The following CXADR variants were observed in gnomAD, a reference collection of about 807,000 sequenced individuals.
The protein encoded by CXADR is CXADR cell adhesion molecule.
In CXADR, 20 loss-of-function variants were observed where a neutral mutation model predicts 40.3. That is an observed-to-expected ratio of 0.50 (90% CI 0.35 to 0.72). CXADR has a LOEUF of 0.72. Among genes scored for constraint, CXADR ranks in the 30% least tolerant of loss-of-function variants. The pLI, the probability that CXADR is intolerant of heterozygous loss-of-function variation, is 0.01. For synonymous variants in CXADR, 150 were observed against 161.3 expected, an observed-to-expected ratio of 0.93 and a Z score of 0.53; for missense variants, 332 against 449.1, an observed-to-expected ratio of 0.74 and a Z score of 2.36.
chr21:17,602,971 G>A, the CXADR span, among the ~76,000 whole-genome samples: 77 of 152,216 alleles, frequency 5.1e-4, 4 homozygotes, highest in Non-Finnish European at 2.5e-4. Context: ...TAACATAATC[G>A]TGCTGATTTT....
intron 1 of CXADR, among the ~76,000 whole-genome samples, chr21:17,536,959 T>C (rs1375481352): frequency 1.3e-5 from 2 of 152,100 alleles, no homozygotes; most frequent in African/African-American, 2.4e-5. Context: ...GGTTTCACCA[T>C]GTTGGCCAGG....
chr21:17,606,308 C>T, the CXADR span, among the ~76,000 whole-genome samples: 1 of 152,104 alleles, frequency 6.6e-6, no homozygotes, highest in Non-Finnish European at 1.5e-5. Flanking sequence ...ATCCAGGCCA[C>T]TAGACTCCAA....
the CXADR span, among the ~76,000 whole-genome samples, chr21:17,605,560 CCTAA>C: frequency 1.1e-4 from 16 of 152,094 alleles, no homozygotes; most frequent in African/African-American, 3.6e-4. Context: ...GATTAAAATA[CCTAA>C]CTAACATGTT....
chr21:17,530,416 T>C (rs1472177019), intron 1 of CXADR: 1 of 456,520 alleles, frequency 2.2e-6, no homozygotes, highest in Non-Finnish European at 4.4e-6. Context: ...TTTGTTTTAT[T>C]CATTTGCATT....
rs1331821643 is a variant in CXADR at position 17,549,461 on chromosome 21, T to C, written c.210+2268T>C. 5.3e-5 allele frequency among the ~76,000 whole-genome samples: 8 copies of C among 152,342 alleles called. No individual in the cohort carries two copies. The East Asian group carries it at 1.3e-3, about 26-fold the overall frequency. On this transcript the variant is annotated intron_variant, in intron 2 of 6. Transcript: ENST00000284878. The stretch of plus-strand genomic sequence containing the variant: ...ATAAATGATATTGAAATGATAATCA[T>C]GTACTGTGCCAAGTTAAATGGATCT...
the CXADR span, chr21:17,613,828 G>A: frequency 1.3e-5 from 2 of 152,102 alleles, no homozygotes; most frequent in South Asian, 4.1e-4. Flanking sequence ...CTAGCGGGAG[G>A]AATACAAGAT....
chr21:17,602,872 A>AAT, the CXADR span, among the ~76,000 whole-genome samples: 3 of 152,328 alleles, frequency 2.0e-5, no homozygotes, highest in Admixed American at 6.5e-5. Context: ...TTATATAATT[A>AAT]TGTAACTTGT....
chr21:17,536,696 T>G (rs2060762735), intron 1 of CXADR, among the ~76,000 whole-genome samples: 1 of 152,164 alleles, frequency 6.6e-6, no homozygotes, highest in African/African-American at 2.4e-5. Flanking sequence ...GAGGAAGCAA[T>G]TAACACTGCC....
intron 1 of CXADR, among the ~76,000 whole-genome samples, chr21:17,542,770 C>A (rs1362106071): frequency 1.3e-5 from 2 of 152,164 alleles, no homozygotes; most frequent in African/African-American, 4.8e-5. Flanking sequence ...ACCTTTTAAA[C>A]CGTGTTTCAA....
chr21:17,587,934 T>A (rs1397467860), intron 7 of CXADR, among the ~76,000 whole-genome samples: 1 of 152,148 alleles, frequency 6.6e-6, no homozygotes, highest in Non-Finnish European at 1.5e-5. Context: ...AGGGATCCAG[T>A]TTCAGCTTTC....
In CXADR at chr21:17,581,946, T is replaced by TTTGTTTG. The variant is rs200729402; in HGVS notation, c.1018-11204_1018-11203insGTTTGTT. Among the ~76,000 whole-genome samples, 1,081 of 143,584 alleles carry TTTGTTTG rather than the reference T, an allele frequency of 7.5e-3. 6 individuals carry two copies. The highest frequency in any genetic ancestry group is 0.021 in the Middle Eastern group (6 of 282). The allele number at this position is 143,584 out of a possible 152,430, so 94.2% of individuals were successfully genotyped here. On this transcript the variant is annotated intron_variant, in intron 7 of 7. Coordinates refer to the CXADR transcript ENST00000400169. Reference sequence around the variant, plus strand: ...GTTTGTTTGTTTGTTTGTTTGTTTGTTTTGTTTGTTTTGACGGCGTTTCAC... The same window carrying TTTGTTTG: ...GTTTGTTTGTTTGTTTGTTTGTTTGTTTGTTTGTTTGTTTGTTTTGACGGCGTTTCAC...
chr21:17,515,290 C>T (rs1445722594), intron 1 of CXADR, among the ~76,000 whole-genome samples: 3 of 151,816 alleles, frequency 2.0e-5, no homozygotes, highest in African/African-American at 4.8e-5. Context: ...AAAATAAAAC[C>T]CAAAAAGAAC....
chr21:17,558,833 A>C lies in CXADR; in HGVS notation c.416-143A>C, dbSNP rs550837972. On this transcript the variant is annotated intron_variant, in intron 3 of 6. Transcript: ENST00000284878. Reference sequence around the variant, plus strand: ...GATAAAGCTGAATAAACTGATGTTGATCACTTACTGTGGTCTTTCATTCTT... The same window carrying C: ...GATAAAGCTGAATAAACTGATGTTGCTCACTTACTGTGGTCTTTCATTCTT... 10 of 771,334 alleles carry C rather than the reference A, an allele frequency of 1.3e-5. No individual in the cohort carries two copies. In the African/African-American group the frequency reaches 1.8e-4, roughly 14 times the overall value. 47.8% of individuals were successfully genotyped at this position (771,334 alleles called of 1,614,324 possible). A position where few individuals can be genotyped will look rare whatever the true frequency, so the allele number is the denominator to read the frequency against.
chr21:17,541,054 A>G (rs1459549839), intron 1 of CXADR, among the ~76,000 whole-genome samples: 1 of 152,058 alleles, frequency 6.6e-6, no homozygotes, highest in East Asian at 1.9e-4. Context: ...CCATGCACCA[A>G]CATCTCCCTC....
chr21:17,583,021 T>A (rs1368181805), intron 7 of CXADR, among the ~76,000 whole-genome samples: 1 of 152,248 alleles, frequency 6.6e-6, no homozygotes, highest in East Asian at 1.9e-4. Context: ...ATAGAAAAGA[T>A]ATCAGTGACT....
At chr21:17,564,293 G>A (rs1190999037) in intron 6 of CXADR, among the ~76,000 whole-genome samples, 1 of 145,980 alleles carries the variant, frequency 6.9e-6, no homozygotes, top group East Asian at 2.0e-4. Context: ...AGGAGTTCAA[G>A]ACACCAACCT....
intron 1 of CXADR, chr21:17,518,482 T>C: frequency 1.3e-6 from 1 of 775,590 alleles, no homozygotes; most frequent in Non-Finnish European, 2.3e-6. Context: ...ACCACATAGC[T>C]GATTTGTTCA....
chr21:17,530,539 C>T (rs1430491554), intron 1 of CXADR: 3 of 400,722 alleles, frequency 7.5e-6, no homozygotes, highest in South Asian at 3.6e-5. Flanking sequence ...GAAGGCCGGG[C>T]GTGGTGGCTC....
chr21:17,604,031 G>T, the CXADR span: 1 of 873,430 alleles, frequency 1.1e-6, no homozygotes, highest in Non-Finnish European at 1.5e-6. Context: ...AGCAAGTGGA[G>T]TTCAAAAAGA....
Sources: allele counts gnomAD v4.1 joint callset (sites outside exome capture counted in the v4.1 genomes callset), GRCh38; gene constraint gnomAD v4.1.1; transcripts MANE v1.5; gene names NCBI Gene and HGNC (gene_info 2026-07-23, HGNC 2026-07-21).